Variants in WWOX observed in about 807,000 individuals in gnomAD.
WWOX encodes the protein WW domain-containing oxidoreductase.
WWOX carries 69 observed loss-of-function variants against 46.2 expected under a neutral mutation model. The ratio of observed to expected loss-of-function variants is 1.49; its 90% confidence interval spans 1.23 to 1.82. WWOX has a LOEUF of 1.82. WWOX is among the 40% of genes most tolerant of loss of function. The probability of loss-of-function intolerance (pLI) is 0.00; values close to 1 mark genes in which losing one functional copy is unlikely to be tolerated. For synonymous variants in WWOX, 359 were observed against 202.6 expected (o/e 1.77, Z -6.56); for missense variants, 919 against 542.6 (o/e 1.69, Z -6.89).
chr16:78,945,949 G>T (rs557990677), intron 8 of WWOX, among the ~76,000 whole-genome samples: 4 of 151,908 alleles, frequency 2.6e-5, no homozygotes, highest in Non-Finnish European at 4.4e-5. Context: ...TTTCTCATCC[G>T]TCTCTTCAGG....
intron 8 of WWOX, among the ~76,000 whole-genome samples, chr16:79,002,141 A>G (rs1048966352): frequency 1.3e-5 from 2 of 150,996 alleles, no homozygotes; most frequent in African/African-American, 2.4e-5. Context: ...GTTTTAATGC[A>G]AGTGTATCGA....
chr16:78,939,730 C>T (rs764528124), intron 8 of WWOX, among the ~76,000 whole-genome samples: 20 of 152,170 alleles, frequency 1.3e-4, no homozygotes, highest in South Asian at 1.2e-3. Context: ...TGGGAAAAAT[C>T]CCCATTTCTG....
At chr16:78,491,826 G>C (rs1371878998) in intron 8 of WWOX, among the ~76,000 whole-genome samples, 6 of 152,234 alleles carry the variant, frequency 3.9e-5, no homozygotes, top group Middle Eastern at 3.4e-3. Context: ...TGCAGAGGAG[G>C]GGGGCACAGA....
At chr16:78,737,562 T>G (rs112381306) in intron 8 of WWOX, among the ~76,000 whole-genome samples, 11,651 of 152,156 alleles carry the variant, frequency 0.077, 840 homozygotes, top group African/African-American at 0.16. Flanking sequence ...GTAGCCAATA[T>G]GTAGTCTTTT....
intron 5 of WWOX, among the ~76,000 whole-genome samples, chr16:78,305,062 C>G (rs1158225177): frequency 6.6e-6 from 1 of 152,016 alleles, no homozygotes; most frequent in Non-Finnish European, 1.5e-5. Context: ...AGGCACTCAC[C>G]CCACCCTACC....
intron 8 of WWOX, among the ~76,000 whole-genome samples, chr16:78,458,733 T>C: frequency 6.6e-6 from 1 of 152,332 alleles, no homozygotes; most frequent in Middle Eastern, 3.4e-3. Flanking sequence ...TCTATATGTG[T>C]ATACATACAT....
chr16:78,994,087 CTTA>C (rs1567467817), intron 8 of WWOX, among the ~76,000 whole-genome samples: 1 of 152,150 alleles, frequency 6.6e-6, no homozygotes. Context: ...GATTCATTTG[CTTA>C]TTATGATCAA....
intron 5 of WWOX, among the ~76,000 whole-genome samples, chr16:78,309,575 G>A (rs1382767664): frequency 1.3e-5 from 2 of 152,064 alleles, no homozygotes; most frequent in Non-Finnish European, 2.9e-5. Flanking sequence ...CCCCTAAAGT[G>A]TATAAAATCA....
At chr16:78,516,552 A>G (rs2043239451) in intron 8 of WWOX, among the ~76,000 whole-genome samples, 1 of 152,110 alleles carries the variant, frequency 6.6e-6, no homozygotes, top group Non-Finnish European at 1.5e-5. Flanking sequence ...GTGATGTTGG[A>G]ATCTTTAAAA....
At chr16:79,121,137 G>A (rs146268644) in intron 8 of WWOX, among the ~76,000 whole-genome samples, 110 of 152,216 alleles carry the variant, frequency 7.2e-4, no homozygotes, top group African/African-American at 2.5e-3. Context: ...CAGAACTATC[G>A]TATCAAAAAA....
chr16:79,050,342 C>G (rs1048185539), intron 8 of WWOX, among the ~76,000 whole-genome samples: 27 of 152,138 alleles, frequency 1.8e-4, no homozygotes, highest in African/African-American at 6.3e-4. Flanking sequence ...GGGTGGTTCT[C>G]CTCCACATGT....
chr16:79,075,764 C>G (rs1159505923), intron 8 of WWOX, among the ~76,000 whole-genome samples: 1 of 151,988 alleles, frequency 6.6e-6, no homozygotes. Flanking sequence ...GGTGATTTTT[C>G]AAGTAAGGTA....
intron 8 of WWOX, among the ~76,000 whole-genome samples, chr16:78,451,425 G>C (rs755467307): frequency 1.2e-4 from 18 of 152,316 alleles, no homozygotes; most frequent in Middle Eastern, 3.4e-3. Context: ...GCTGAGAAGA[G>C]CATATTTGGC....
chr16:78,714,299 G>A (rs1056124207), intron 8 of WWOX, among the ~76,000 whole-genome samples: 6 of 152,086 alleles, frequency 3.9e-5, no homozygotes, highest in African/African-American at 1.4e-4. Context: ...CGATCATGGC[G>A]GAAGGCAAAG....
intron 8 of WWOX, among the ~76,000 whole-genome samples, chr16:78,798,945 TG>T (rs2050814482): frequency 6.6e-6 from 1 of 152,154 alleles, no homozygotes; most frequent in Non-Finnish European, 1.5e-5. Flanking sequence ...GGCATTTTGT[TG>T]GGGCCGGTGG....
intron 8 of WWOX, among the ~76,000 whole-genome samples, chr16:78,979,340 G>T (rs754028585): frequency 1.3e-5 from 2 of 152,040 alleles, no homozygotes; most frequent in Non-Finnish European, 1.5e-5. Context: ...TATTAGTTAG[G>T]CATTGGTTTG....
chr16:78,519,356 T>C (rs1403004792), intron 8 of WWOX, among the ~76,000 whole-genome samples: 1 of 152,162 alleles, frequency 6.6e-6, no homozygotes, highest in African/African-American at 2.4e-5. Context: ...CGGCCATCAT[T>C]TTGATCACAT....
chr16:78,519,596 A>T (rs1292471924), intron 8 of WWOX, among the ~76,000 whole-genome samples: 1 of 152,060 alleles, frequency 6.6e-6, no homozygotes, highest in African/African-American at 2.4e-5. Context: ...ACAGGTTAAA[A>T]TCCTAATCCT....
intron 8 of WWOX, among the ~76,000 whole-genome samples, chr16:79,103,379 C>A (rs973097097): frequency 6.6e-6 from 1 of 152,186 alleles, no homozygotes; most frequent in Admixed American, 6.5e-5. Context: ...AGGAAAAATG[C>A]TTAGAGTGTC....
Sources: gnomAD v4.1 joint callset for allele counts (sites outside exome capture counted in the v4.1 genomes callset) on GRCh38, gnomAD v4.1.1 for gene constraint, MANE v1.5 for transcripts, NCBI Gene and HGNC (gene_info 2026-07-23, HGNC 2026-07-21) for gene names.